The following CHRNA7 variants were observed in gnomAD, a reference collection of about 807,000 sequenced individuals.
CHRNA7 encodes the protein neuronal acetylcholine receptor subunit alpha-7.
Under a neutral mutation model 48.0 loss-of-function variants are expected in CHRNA7, and 17 were observed. The ratio of observed to expected loss-of-function variants is 0.35; its 90% CI spans 0.24 to 0.53. The LOEUF (loss-of-function observed/expected upper bound fraction) is 0.53, where lower values mean the gene tolerates loss of function less well. Ranked by LOEUF, CHRNA7 falls within the 20% of genes least tolerant of loss-of-function variation. The pLI is 0.92. For missense variants in CHRNA7, 155 were observed against 577.7 expected, an observed-to-expected ratio of 0.27 and a Z score of 7.50; for synonymous variants, 75 against 242.3, an observed-to-expected ratio of 0.31 and a Z score of 6.41.
At chr15:32,040,588 GTGTGTGTATATGTGTGTA>G (rs1354715013) in intron 2 of CHRNA7, among the ~76,000 whole-genome samples, 1 of 110,690 alleles carries the variant, frequency 9.0e-6, no homozygotes, top group Non-Finnish European at 2.3e-5. Context: ...GTGCGTGTGT[GTGTGTGTATATGTGTGTA>G]TGTGTGTGTG....
At chr15:32,052,422 G>A (rs1247182939) in intron 2 of CHRNA7, among the ~76,000 whole-genome samples, 1 of 152,130 alleles carries the variant, frequency 6.6e-6, no homozygotes, top group African/African-American at 2.4e-5. Flanking sequence ...GGAGAAGTTG[G>A]TTAAAGGGAG....
chr15:32,111,859 G>C lies in CHRNA7; in HGVS notation c.310G>C (p.Asp104His), dbSNP rs773200568. The change falls in exon 4 of 10, where the codon GAT (aspartate) becomes CAT (histidine). Residue 104 changes from aspartate (D) to histidine (H), a missense_variant. Physicochemically the swap from Asp to His is moderately conservative, Grantham distance 81. Transcript: ENST00000306901. Reference protein sequence around the residue: ...YPGVKTVRFPDGQIWKPDILL... With the variant: ...YPGVKTVRFPHGQIWKPDILL... Reference sequence around the variant, plus strand: ...AGGGGTGAAGACTGTTCGTTTCCCAGATGGCCAGATTTGGAAACCAGACAT... The same window carrying C: ...AGGGGTGAAGACTGTTCGTTTCCCACATGGCCAGATTTGGAAACCAGACAT... The C allele has an allele frequency of 1.2e-6, 2 of 1,613,672 alleles. No individual in the cohort carries two copies. Among genetic ancestry groups the C allele is most frequent in the Non-Finnish European group, 1.7e-6 (2 of 1,179,528 alleles).
intron 4 of CHRNA7, among the ~76,000 whole-genome samples, chr15:32,117,171 C>G (rs2050887194): frequency 6.6e-6 from 1 of 152,162 alleles, no homozygotes; most frequent in Non-Finnish European, 1.5e-5. Context: ...TTGGAGTGAG[C>G]ATTGAAAAGC....
intron 2 of CHRNA7, among the ~76,000 whole-genome samples, chr15:32,045,270 G>C (rs535963390): frequency 6.6e-6 from 1 of 152,212 alleles, no homozygotes; most frequent in East Asian, 1.9e-4. Flanking sequence ...TTCTGAGCCT[G>C]GTTGTGTTTG....
chr15:32,069,280 A>G (rs1383431512), intron 2 of CHRNA7, among the ~76,000 whole-genome samples: 1 of 152,222 alleles, frequency 6.6e-6, no homozygotes, highest in East Asian at 1.9e-4. Context: ...AATACAACCT[A>G]ATTTAAGAAA....
intron 2 of CHRNA7, among the ~76,000 whole-genome samples, chr15:32,085,267 G>A (rs1377815587): frequency 6.6e-6 from 1 of 152,110 alleles, no homozygotes; most frequent in African/African-American, 2.4e-5. Flanking sequence ...TATCAATGTT[G>A]ATTCTGGCAG....
intron 4 of CHRNA7, among the ~76,000 whole-genome samples, chr15:32,138,356 C>T (rs774292377): frequency 3.3e-5 from 5 of 152,072 alleles, no homozygotes; most frequent in African/African-American, 4.8e-5. Context: ...AGGGAATAGA[C>T]TAGCAAAAAA....
At chr15:32,118,032 G>A (rs1455980517) in intron 4 of CHRNA7, among the ~76,000 whole-genome samples, 1 of 152,132 alleles carries the variant, frequency 6.6e-6, no homozygotes, top group African/African-American at 2.4e-5. Context: ...ACCTTTGAAG[G>A]CCAACTGGGT....
At chr15:32,053,520 TG>T (rs1156335846) in intron 2 of CHRNA7, among the ~76,000 whole-genome samples, 1 of 152,176 alleles carries the variant, frequency 6.6e-6, no homozygotes, top group African/African-American at 2.4e-5. Context: ...CAAAAAGTAT[TG>T]TAAAATAGTA....
chr15:32,083,134 G>T (rs1361682638), intron 2 of CHRNA7, among the ~76,000 whole-genome samples: 3 of 152,162 alleles, frequency 2.0e-5, no homozygotes, highest in African/African-American at 7.2e-5. Context: ...CATATGTTGG[G>T]ATCTTAATTC....
At chr15:32,036,588 A>G (rs1166665270) in intron 2 of CHRNA7, among the ~76,000 whole-genome samples, 3 of 152,180 alleles carry the variant, frequency 2.0e-5, no homozygotes, top group South Asian at 2.1e-4. Context: ...TATCCATGTC[A>G]GCATTTGGTG....
At chr15:32,141,302 C>A (rs1225647798) in intron 4 of CHRNA7, among the ~76,000 whole-genome samples, 1 of 152,148 alleles carries the variant, frequency 6.6e-6, no homozygotes, top group Non-Finnish European at 1.5e-5. Flanking sequence ...GGTACCAGTA[C>A]CATGCTGTTT....
intron 2 of CHRNA7, among the ~76,000 whole-genome samples, chr15:32,067,639 ACT>A (rs967962769): frequency 1.3e-5 from 2 of 152,166 alleles, no homozygotes; most frequent in Non-Finnish European, 2.9e-5. Flanking sequence ...TGTGTTCATA[ACT>A]CTTTTTTTCT....
chr15:32,126,892 T>G (rs544155416), intron 4 of CHRNA7, among the ~76,000 whole-genome samples: 1 of 152,334 alleles, frequency 6.6e-6, no homozygotes, highest in Non-Finnish European at 1.5e-5. Flanking sequence ...TCCACAAAGT[T>G]TATTCAGATT....
intron 2 of CHRNA7, among the ~76,000 whole-genome samples, chr15:32,052,981 G>A (rs1244065866): frequency 6.6e-6 from 1 of 152,056 alleles, no homozygotes; most frequent in Non-Finnish European, 1.5e-5. Flanking sequence ...AATATCACAT[G>A]TACCTCCAAA....
intron 2 of CHRNA7, among the ~76,000 whole-genome samples, chr15:32,032,875 T>A (rs937207717): frequency 6.6e-6 from 1 of 152,182 alleles, no homozygotes; most frequent in African/African-American, 2.4e-5. Context: ...TCTGGGAACT[T>A]CTTCTTTAAG....
intron 3 of CHRNA7, among the ~76,000 whole-genome samples, chr15:32,103,876 C>T (rs958258950): frequency 6.6e-6 from 1 of 152,184 alleles, no homozygotes; most frequent in Non-Finnish European, 1.5e-5. Flanking sequence ...CACACCTCAC[C>T]TCTGATACAT....
chr15:32,099,518 A>G (rs4779977), intron 2 of CHRNA7: 38 of 152,360 alleles, frequency 2.5e-4, no homozygotes, highest in African/African-American at 8.7e-4. Context: ...AATGTTGGAA[A>G]GAAGAAAGCC....
At chr15:32,042,172 T>C (rs1432932665) in intron 2 of CHRNA7, among the ~76,000 whole-genome samples, 1 of 152,174 alleles carries the variant, frequency 6.6e-6, no homozygotes, top group Non-Finnish European at 1.5e-5. Context: ...AAGCATTCTA[T>C]ACTCCTATGA....
Sources: allele counts gnomAD v4.1 joint callset (sites outside exome capture counted in the v4.1 genomes callset), GRCh38; gene constraint gnomAD v4.1.1; transcripts MANE v1.5; gene names NCBI Gene and HGNC (gene_info 2026-07-23, HGNC 2026-07-21).